Variants in DDX52 observed in about 807,000 individuals in gnomAD.
DDX52 encodes DExD-box helicase 52.
DDX52 carries 59 observed loss-of-function variants against 76.1 expected under a neutral mutation model. The observed-to-expected ratio is 0.78, with a 90% CI of 0.63 to 0.96. The LOEUF is 0.96. DDX52 is among the 40% of genes least tolerant of loss of function. The pLI, the probability that DDX52 is intolerant of heterozygous loss-of-function variation, is 0.00. For synonymous variants in DDX52, 231 were observed against 244.1 expected (o/e 0.95, Z 0.50); for missense variants, 707 against 703.9 (o/e 1.00, Z -0.05).
chr17:37,614,198 G>A lies in DDX52; in HGVS notation c.*98C>T. The stretch of plus-strand genomic sequence containing the variant: ...ACTTGTAGTTGATTTCAAATGTTTG[G>A]TACAGGTGACTGTAAGACTTCAAGT... On this transcript the variant is annotated 3_prime_UTR_variant, in exon 15 of 15. Transcript: ENST00000617633. The A allele has an allele frequency of 8.1e-7, 1 of 1,233,310 alleles. No homozygotes were observed. The highest frequency in any genetic ancestry group is 2.4e-5 in the East Asian group (1 of 41,892). 76.4% of individuals were successfully genotyped at this position (1,233,310 alleles called of 1,614,324 possible).
chr17:37,641,782 A>T (rs2147373276), intron 2 of DDX52, among the ~76,000 whole-genome samples: 1 of 152,204 alleles, frequency 6.6e-6, no homozygotes, highest in South Asian at 2.1e-4. Flanking sequence ...AATTAACACC[A>T]ATAATATTCA....
chr17:37,630,538 G>C (rs146609725), intron 4 of DDX52, among the ~76,000 whole-genome samples: 265 of 152,082 alleles, frequency 1.7e-3, no homozygotes, highest in African/African-American at 6.1e-3. Context: ...TCAATCACTA[G>C]GGAAGGTTTT....
chr17:37,619,444 C>A lies in DDX52; in HGVS notation c.1649+324G>T, dbSNP rs528031319. ...GGCACAGTGACACAAGCCTGTAATC[C>A]TAGTACTTCGGGAGGCAAGGATATA... On this transcript the variant is annotated intron_variant, in intron 13 of 14. Coordinates refer to ENST00000617633, the MANE Select transcript of DDX52 (RefSeq NM_007010.5). 2.6e-5 allele frequency among the ~76,000 whole-genome samples: 4 copies of A among 152,170 alleles called. No homozygotes were observed. The South Asian group carries it at 6.2e-4, about 24-fold the overall frequency.
At chr17:37,622,935 T>C (rs142653988) in intron 9 of DDX52, among the ~76,000 whole-genome samples, 3 of 152,232 alleles carry the variant, frequency 2.0e-5, no homozygotes, top group African/African-American at 7.2e-5. Flanking sequence ...TAGATATTAT[T>C]ATCCCATTTT....
At position 37,632,170 on chromosome 17, in the gene DDX52, A is replaced by G. The variant is rs1157648273; in HGVS notation, c.546T>C (p.Asp182=). The part of the protein sequence containing the change: ...INSRLLQNIL[D]AGFQMPTPIQ... ...TTGGCGTAGGCATTTGGAAACCTGC[A>G]TCTAGAATGTTCTGAAGTAGTCGAG... is the stretch of plus-strand genomic sequence containing the variant. Residue 182 remains aspartate, a synonymous_variant, in exon 4 of 15, where the codon GAT becomes GAC. Transcript: ENST00000617633. The G allele has an allele frequency of 2.8e-5, 45 of 1,613,556 alleles. No homozygotes were observed. Among genetic ancestry groups the G allele is most frequent in the Non-Finnish European group, 3.6e-5 (43 of 1,179,980 alleles).
intron 5 of DDX52, 119 bp from the exon 6 acceptor site, chr17:37,628,791 A>T (rs150716301): frequency 1.4e-6 from 1 of 710,392 alleles, no homozygotes; most frequent in African/African-American, 1.8e-5. Flanking sequence ...AATTAAACTC[A>T]TAACAATCTG....
At chr17:37,633,558 A>G (rs1156601343) in intron 2 of DDX52, 140 bp from the exon 3 acceptor site, 6 of 486,902 alleles carry the variant, frequency 1.2e-5, no homozygotes, top group Admixed American at 5.0e-5. Context: ...TAGGAGGCTG[A>G]GTGGGGAGGA....
Position 37,611,980 on chromosome 17 carries a change from A to C in DDX52, c.*2316T>G, listed in dbSNP as rs1420375123. 9.5e-5 allele frequency: 14 copies of C among 147,222 alleles called. No individual in the cohort carries two copies. Among genetic ancestry groups the C allele is most frequent in the African/African-American group, 3.0e-4 (12 of 39,606 alleles). The allele number at this position is 147,222 out of a possible 1,614,324, so 9.1% of individuals were successfully genotyped here. On this transcript the variant is annotated 3_prime_UTR_variant, in exon 15 of 15. Transcript: ENST00000617633. ...TCAAAAAAAAAAAAAAAAACAAAAC[A>C]AAAAAACTCATAAAGTAAAAGTTAC...
intron 14 of DDX52, 62 bp from the exon 15 acceptor site, chr17:37,614,415 C>A (rs905822391): frequency 4.2e-5 from 62 of 1,493,044 alleles, no homozygotes; most frequent in Non-Finnish European, 5.5e-5. Context: ...CTTTCCATAA[C>A]CCTACCACCA....
intron 5 of DDX52, among the ~76,000 whole-genome samples, chr17:37,628,928 G>A (rs560986720): frequency 1.3e-5 from 2 of 152,160 alleles, no homozygotes; most frequent in Admixed American, 6.5e-5. Context: ...TCAGAATACA[G>A]TACTACTGGC....
chr17:37,628,223 C>T (rs1298259547), intron 6 of DDX52, among the ~76,000 whole-genome samples: 1 of 152,154 alleles, frequency 6.6e-6, no homozygotes, highest in Non-Finnish European at 1.5e-5. Context: ...CTGTCCTGTG[C>T]ACCGCAGAAT....
At position 37,614,069 on chromosome 17, in the gene DDX52, C is replaced by T. The variant is rs927333974; in HGVS notation, c.*227G>A. ...TGTGAGGTCAGGAGTTCAAGACCAG[C>T]CTGGACAACATGGCAAGACCCTCAT... On this transcript the variant is annotated 3_prime_UTR_variant, in exon 15 of 15. Coordinates refer to ENST00000617633, the MANE Select transcript of DDX52 (RefSeq NM_007010.5). 1.9e-5 allele frequency: 9 copies of T among 478,302 alleles called. No individual in the cohort carries two copies. In the East Asian group the frequency reaches 3.0e-4, roughly 16 times the overall value. The allele number at this position is 478,302 out of a possible 1,614,324, so 29.6% of individuals were successfully genotyped here.
At position 37,621,087 on chromosome 17, in the gene DDX52, C is replaced by A. The variant is rs752860803; in HGVS notation, c.1501+40G>T. The A allele has an allele frequency of 2.3e-5, 37 of 1,584,694 alleles. 1 individual carries two copies. The South Asian group carries it at 3.8e-4, about 16-fold the overall frequency. On this transcript the variant is annotated intron_variant, in intron 11 of 14. Coordinates refer to ENST00000617633, the MANE Select transcript of DDX52 (RefSeq NM_007010.5). Reference sequence around the variant, plus strand: ...GAATAGCAGGGGTCCTAAGACAGATCAGTGGGTGACAGAGGGGAAGGAAAA... The same window carrying A: ...GAATAGCAGGGGTCCTAAGACAGATAAGTGGGTGACAGAGGGGAAGGAAAA...
In DDX52 at chr17:37,632,287, C is replaced by G. The variant is rs371422008; in HGVS notation, c.429G>C (p.Leu143Phe). ...GGACGTGAATTTTGTGTTTATTCCG[C>G]AAGAAGTTTATCTGAAAAGTGAAGT... Reference protein sequence around the residue: ...ENLRKEKINFLRNKHKIHVQG... With the variant: ...ENLRKEKINFFRNKHKIHVQG... Residue 143 changes from leucine to phenylalanine, a missense_variant, in exon 4 of 15, where the codon TTG becomes TTC. Physicochemically the swap from Leu to Phe is conservative, Grantham distance 22. Coordinates refer to ENST00000617633, the MANE Select transcript of DDX52 (RefSeq NM_007010.5). 1.6e-5 allele frequency: 26 copies of G among 1,613,754 alleles called. No homozygotes were observed. Among genetic ancestry groups the G allele is most frequent in the Non-Finnish European group, 2.0e-5 (24 of 1,179,972 alleles).
chr17:37,616,874 CCAA>C (rs1295550735), intron 14 of DDX52, among the ~76,000 whole-genome samples: 50 of 152,084 alleles, frequency 3.3e-4, no homozygotes, highest in African/African-American at 1.1e-3. Flanking sequence ...ATAGACAATA[CCAA>C]CATGTGAAAA....
chr17:37,615,615 G>C (rs2064415555), intron 14 of DDX52, among the ~76,000 whole-genome samples: 1 of 152,194 alleles, frequency 6.6e-6, no homozygotes, highest in South Asian at 2.1e-4. Context: ...AGGAGGTCGA[G>C]GCTGCAGTGA....
chr17:37,615,906 C>T (rs2064420100), intron 14 of DDX52, among the ~76,000 whole-genome samples: 1 of 151,864 alleles, frequency 6.6e-6, no homozygotes, highest in Non-Finnish European at 1.5e-5. Context: ...CCCAGCTACT[C>T]AAGAGGCTGA....
At position 37,611,914 on chromosome 17, in the gene DDX52, T is replaced by C. The variant is rs1016970503; in HGVS notation, c.*2382A>G. 4.1e-5 allele frequency: 6 copies of C among 147,532 alleles called. No homozygotes were observed. The highest frequency in any genetic ancestry group is 1.5e-4 in the African/African-American group (6 of 39,926). The allele number at this position is 147,532 out of a possible 1,614,324, so 9.1% of individuals were successfully genotyped here. A position where few individuals can be genotyped will look rare whatever the true frequency, so the allele number is the denominator to read the frequency against. On this transcript the variant is annotated 3_prime_UTR_variant, in exon 15 of 15. Transcript: ENST00000617633. Reference sequence around the variant, plus strand: ...AGGTCAAGGCTGCAGTGGGCCATGATTGTGCCACTAAACTCCAAATTAGGT... The same window carrying C: ...AGGTCAAGGCTGCAGTGGGCCATGACTGTGCCACTAAACTCCAAATTAGGT...
At chr17:37,632,404 T>A (rs1322896819) in intron 3 of DDX52, 106 bp from the exon 4 acceptor site, 1 of 1,283,096 alleles carries the variant, frequency 7.8e-7, no homozygotes, top group Non-Finnish European at 1.1e-6. Context: ...TAGCAGCATA[T>A]GAAACTTTTT....
Sources: allele counts gnomAD v4.1 joint callset (sites outside exome capture counted in the v4.1 genomes callset), GRCh38; gene constraint gnomAD v4.1.1; transcripts MANE v1.5; gene names NCBI Gene and HGNC (gene_info 2026-07-23, HGNC 2026-07-21).